DIPK1A: variants seen among roughly 807,000 people sequenced by gnomAD.
DIPK1A encodes family with sequence similarity 69 member A.
In DIPK1A, 27 loss-of-function variants were observed where a neutral mutation model predicts 40.8. That is an observed-to-expected ratio of 0.66 (90% CI 0.49 to 0.91). DIPK1A has a LOEUF of 0.91. DIPK1A is among the 40% of genes least tolerant of loss of function. The probability of loss-of-function intolerance (pLI) is 0.00; values close to 1 mark genes in which losing one functional copy is unlikely to be tolerated. For missense variants in DIPK1A, 412 were observed against 505.7 expected, an observed-to-expected ratio of 0.81 and a Z score of 1.78; for synonymous variants, 166 against 171.3, an observed-to-expected ratio of 0.97 and a Z score of 0.24.
Position 92,842,762 on chromosome 1 carries a change from T to C in DIPK1A, c.*621A>G, listed in dbSNP as rs764732161. The C allele has an allele frequency of 2.0e-6, 2 of 985,320 alleles. No homozygotes were observed. The highest frequency in any genetic ancestry group is 4.7e-5 in the South Asian group (1 of 21,288). 61.0% of individuals were successfully genotyped at this position (985,320 alleles called of 1,614,324 possible). ...GTTCATCCATTTTTAGTCAATAAAATTGGTGTACTGTCAAGTATAAGATTT... is the reference window on the plus strand; with the variant it reads ...GTTCATCCATTTTTAGTCAATAAAACTGGTGTACTGTCAAGTATAAGATTT... On this transcript the variant is annotated 3_prime_UTR_variant, in exon 5 of 5. Coordinates refer to ENST00000370310, the MANE Select transcript of DIPK1A (RefSeq NM_001006605.5).
chr1:92,912,003 CAAAAAAAA>C (rs5776162), intron 1 of DIPK1A, among the ~76,000 whole-genome samples: 1 of 43,672 alleles, frequency 2.3e-5, no homozygotes, highest in Admixed American at 4.1e-4. Context: ...GACTCCATCT[CAAAAAAAA>C]AAAAAAAAAA....
chr1:92,846,700 C>T (rs1270932018), intron 4 of DIPK1A: 2 of 275,906 alleles, frequency 7.2e-6, no homozygotes, highest in Non-Finnish European at 1.4e-5. Context: ...GAGATCTTGG[C>T]TCACTGCAAC....
intron 1 of DIPK1A, among the ~76,000 whole-genome samples, chr1:92,879,118 T>C (rs943125023): frequency 6.6e-6 from 1 of 152,112 alleles, no homozygotes; most frequent in African/African-American, 2.4e-5. Context: ...AGGCAGAGGT[T>C]GCAGTGAGCC....
chr1:92,851,166 A>G (rs1687805810), intron 2 of DIPK1A, among the ~76,000 whole-genome samples: 1 of 152,128 alleles, frequency 6.6e-6, no homozygotes, highest in African/African-American at 2.4e-5. Flanking sequence ...TAGAATTTTG[A>G]AACTATTTTT....
intron 2 of DIPK1A, among the ~76,000 whole-genome samples, chr1:92,870,767 C>G (rs1056623365): frequency 5.3e-5 from 8 of 152,182 alleles, no homozygotes; most frequent in African/African-American, 1.9e-4. Flanking sequence ...TAGAGTACAG[C>G]CTTGCTCAAG....
intron 1 of DIPK1A, among the ~76,000 whole-genome samples, chr1:92,897,550 A>C (rs973557554): frequency 6.6e-5 from 10 of 152,170 alleles, no homozygotes; most frequent in Non-Finnish European, 1.5e-4. Context: ...AGATATACCT[A>C]ATGTTAAATG....
Position 92,842,928 on chromosome 1 carries a change from C to T in DIPK1A, c.*455G>A. 1.0e-6 allele frequency: 1 copy of T among 987,862 alleles called. No individual in the cohort carries two copies. The allele number at this position is 987,862 out of a possible 1,614,324, so 61.2% of individuals were successfully genotyped here. Reference sequence around the variant, plus strand: ...TGTTTTATAAAGAAGCAAGTTTAACCTGCTTTGCAGTCTTAATTTCTGTTA... The same window carrying T: ...TGTTTTATAAAGAAGCAAGTTTAACTTGCTTTGCAGTCTTAATTTCTGTTA... On this transcript the variant is annotated 3_prime_UTR_variant, in exon 5 of 5. Coordinates refer to ENST00000370310, the MANE Select transcript of DIPK1A (RefSeq NM_001006605.5).
Position 92,865,408 on chromosome 1 carries a change from T to A in DIPK1A, c.189+10888A>T, listed in dbSNP as rs186721821. On this transcript the variant is annotated intron_variant, in intron 2 of 4. Coordinates refer to ENST00000370310, the MANE Select transcript of DIPK1A (RefSeq NM_001006605.5). ...ACCCCTCCTCCACCATATTATATAATTAGCTTGATGGAAAAAGAAAAAAGC... is the reference window on the plus strand; with the variant it reads ...ACCCCTCCTCCACCATATTATATAAATAGCTTGATGGAAAAAGAAAAAAGC... Among the ~76,000 whole-genome samples the A allele has an allele frequency of 8.5e-5, 13 of 152,106 alleles. No individual in the cohort carries two copies. In the East Asian group the frequency reaches 9.6e-4, roughly 11 times the overall value.
At chr1:92,929,709 C>A (rs72728624) in intron 1 of DIPK1A, among the ~76,000 whole-genome samples, 5 of 152,288 alleles carry the variant, frequency 3.3e-5, no homozygotes, top group African/African-American at 4.8e-5. Flanking sequence ...TTTCAATAAT[C>A]TTTGTCTGTG....
Position 92,895,729 on chromosome 1 carries a change from T to C in DIPK1A, c.55-19299A>G, listed in dbSNP as rs536145591. The stretch of plus-strand genomic sequence containing the variant: ...AAGTCAAATTGTCCCTGTTTGCAGA[T>C]GACATGATTGTATATCTAGAAAACC... On this transcript the variant is annotated intron_variant, in intron 1 of 4. Transcript: ENST00000370310. Among the ~76,000 whole-genome samples, 4 of 152,216 alleles carry C rather than the reference T, an allele frequency of 2.6e-5. No homozygotes were observed. The East Asian group carries it at 5.8e-4, about 22-fold the overall frequency.
intron 1 of DIPK1A, among the ~76,000 whole-genome samples, chr1:92,912,010 A>G (rs1011753615): frequency 6.7e-6 from 1 of 150,108 alleles, no homozygotes; most frequent in Non-Finnish European, 1.5e-5. Context: ...TCTCAAAAAA[A>G]AAAAAAAAAA....
intron 2 of DIPK1A, 93 bp from the exon 3 acceptor site, chr1:92,851,048 T>C: frequency 3.7e-6 from 3 of 801,886 alleles, no homozygotes; most frequent in Non-Finnish European, 4.0e-6. Flanking sequence ...GTAAGTTCTA[T>C]GACAAAAAGA....
At chr1:92,902,073 G>A (rs1436620498) in intron 1 of DIPK1A, among the ~76,000 whole-genome samples, 1 of 152,106 alleles carries the variant, frequency 6.6e-6, no homozygotes. Flanking sequence ...AATGTTCTTG[G>A]AAGCCCAGGC....
chr1:92,955,303 C>A (rs1324093119), intron 1 of DIPK1A, among the ~76,000 whole-genome samples: 2 of 151,978 alleles, frequency 1.3e-5, no homozygotes, highest in African/African-American at 2.4e-5. Flanking sequence ...ATGTACAACA[C>A]AAAGAATGAA....
At chr1:92,854,022 G>A (rs1397282873) in intron 2 of DIPK1A, among the ~76,000 whole-genome samples, 1 of 152,134 alleles carries the variant, frequency 6.6e-6, no homozygotes, top group African/African-American at 2.4e-5. Context: ...GAGTAGCTGG[G>A]ACTACAAGAA....
chr1:92,854,787 T>C (rs553056229), intron 2 of DIPK1A, among the ~76,000 whole-genome samples: 20 of 152,318 alleles, frequency 1.3e-4, no homozygotes, highest in Admixed American at 1.0e-3. Flanking sequence ...TCTGGGGATA[T>C]TTTAGAAAAT....
intron 1 of DIPK1A, among the ~76,000 whole-genome samples, chr1:92,896,554 A>G (rs1181184859): frequency 6.6e-6 from 1 of 150,916 alleles, no homozygotes; most frequent in Non-Finnish European, 1.5e-5. Flanking sequence ...TAAAAACCCT[A>G]GAAGAAAACC....
At chr1:92,921,734 A>G (rs532436270) in intron 1 of DIPK1A, among the ~76,000 whole-genome samples, 1 of 152,162 alleles carries the variant, frequency 6.6e-6, no homozygotes, top group African/African-American at 2.4e-5. Context: ...ATTTTCAAGT[A>G]CCAAACCAGG....
chr1:92,832,884 C>G, exon 5 of DIPK1A: 1 of 640,824 alleles, frequency 1.6e-6, no homozygotes, highest in Non-Finnish European at 2.8e-6. Context: ...AAAAACATAA[C>G]ATGGGAAGCG....
Sources: allele counts gnomAD v4.1 joint callset (sites outside exome capture counted in the v4.1 genomes callset), GRCh38; gene constraint gnomAD v4.1.1; transcripts MANE v1.5; gene names NCBI Gene and HGNC (gene_info 2026-07-23, HGNC 2026-07-21).